The following RIMS2 variants were observed in gnomAD, a reference collection of about 807,000 sequenced individuals.
RIMS2 encodes regulating synaptic membrane exocytosis protein 2.
Under a neutral mutation model 174.4 loss-of-function variants are expected in RIMS2, and 59 were observed. The observed-to-expected ratio is 0.34, with a 90% confidence interval of 0.27 to 0.42. RIMS2 has a LOEUF of 0.42. Ranked by LOEUF, RIMS2 falls within the 10% of genes least tolerant of loss-of-function variation. The pLI is 1.00. For synonymous variants in RIMS2, 606 were observed against 572.5 expected, an observed-to-expected ratio of 1.06 and a Z score of -0.84; for missense variants, 1,620 against 1,666.3, an observed-to-expected ratio of 0.97 and a Z score of 0.48.
intron 19 of RIMS2, among the ~76,000 whole-genome samples, chr8:104,182,437 C>G (rs1451825370): frequency 6.6e-6 from 1 of 151,714 alleles, no homozygotes; most frequent in Non-Finnish European, 1.5e-5. Flanking sequence ...TTTTAGTGTA[C>G]TCAGAGATAT....
intron 4 of RIMS2, chr8:103,910,096 C>T (rs1210781827): frequency 1.5e-6 from 2 of 1,292,898 alleles, no homozygotes; most frequent in Admixed American, 3.8e-5. Context: ...CTTTTTTCAC[C>T]ATCTCCTTTA....
chr8:104,222,393 T>C (rs1389164195), intron 19 of RIMS2, among the ~76,000 whole-genome samples: 5 of 152,254 alleles, frequency 3.3e-5, no homozygotes, highest in Non-Finnish European at 7.3e-5. Flanking sequence ...ATCTAGGAAC[T>C]ATTTATTGAA....
intron 1 of RIMS2, among the ~76,000 whole-genome samples, chr8:103,521,370 A>G (rs930123030): frequency 6.6e-6 from 1 of 151,972 alleles, no homozygotes; most frequent in Non-Finnish European, 1.5e-5. Context: ...TCATTTTTAT[A>G]TCTTCCTCTC....
At chr8:103,687,153 T>C (rs1031726559) in intron 1 of RIMS2, among the ~76,000 whole-genome samples, 1 of 148,916 alleles carries the variant, frequency 6.7e-6, no homozygotes, top group South Asian at 2.1e-4. Flanking sequence ...CAAGCTATCT[T>C]TTTTTTTTGG....
At chr8:103,828,023 C>A (rs1481627234) in intron 3 of RIMS2, among the ~76,000 whole-genome samples, 1 of 152,074 alleles carries the variant, frequency 6.6e-6, no homozygotes, top group Non-Finnish European at 1.5e-5. Context: ...GAATATTAAA[C>A]CAACTTTGCA....
intron 14 of RIMS2, among the ~76,000 whole-genome samples, chr8:103,944,336 T>C (rs2083222669): frequency 6.6e-6 from 1 of 152,128 alleles, no homozygotes; most frequent in African/African-American, 2.4e-5. Context: ...TATTCAGTAC[T>C]TTCTCTCTGA....
At chr8:104,132,296 A>G (rs2098479856) in intron 19 of RIMS2, among the ~76,000 whole-genome samples, 1 of 152,166 alleles carries the variant, frequency 6.6e-6, no homozygotes, top group South Asian at 2.1e-4. Context: ...TGTCTTCTGT[A>G]ACAGAATTAG....
chr8:103,601,547 C>G (rs562856795), intron 1 of RIMS2, among the ~76,000 whole-genome samples: 27 of 151,870 alleles, frequency 1.8e-4, no homozygotes, highest in Non-Finnish European at 3.5e-4. Context: ...TATTTTCAGT[C>G]TATATGCATA....
chr8:103,926,679 A>G (rs2078852773), intron 10 of RIMS2, among the ~76,000 whole-genome samples: 1 of 151,564 alleles, frequency 6.6e-6, no homozygotes, highest in African/African-American at 2.4e-5. Context: ...ATTTTGAAGT[A>G]GGCAAGAGAG....
chr8:103,736,944 C>T (rs1368008004), intron 2 of RIMS2, among the ~76,000 whole-genome samples: 1 of 151,948 alleles, frequency 6.6e-6, no homozygotes, highest in Non-Finnish European at 1.5e-5. Context: ...TCTGTAGTAT[C>T]AAATGAAATT....
At chr8:103,852,252 A>G (rs542828780) in intron 3 of RIMS2, among the ~76,000 whole-genome samples, 2 of 152,184 alleles carry the variant, frequency 1.3e-5, no homozygotes, top group East Asian at 1.9e-4. Context: ...TAGTATAGAT[A>G]TAATAGTGAT....
intron 2 of RIMS2, among the ~76,000 whole-genome samples, chr8:103,715,704 A>G (rs1206188085): frequency 6.6e-6 from 1 of 152,158 alleles, no homozygotes; most frequent in African/African-American, 2.4e-5. Flanking sequence ...TCATATTGGG[A>G]AACAGTGACC....
intron 1 of RIMS2, among the ~76,000 whole-genome samples, chr8:103,636,791 C>T (rs370654679): frequency 5.0e-5 from 2 of 39,654 alleles, no homozygotes; most frequent in South Asian, 8.3e-4. Flanking sequence ...CCCCCGCACC[C>T]CCCCCCCCCC....
chr8:103,695,659 A>G (rs2137231509), intron 1 of RIMS2, among the ~76,000 whole-genome samples: 1 of 147,310 alleles, frequency 6.8e-6, no homozygotes, highest in South Asian at 2.1e-4. Context: ...TATTTTTATA[A>G]TTTTTATTTA....
intron 1 of RIMS2, among the ~76,000 whole-genome samples, chr8:103,514,729 T>A (rs1011173006): frequency 2.0e-5 from 3 of 152,082 alleles, no homozygotes; most frequent in African/African-American, 7.2e-5. Context: ...CTTAAAGTAG[T>A]TGGTAGAAAA....
At chr8:103,533,098 T>C (rs1302287566) in intron 1 of RIMS2, among the ~76,000 whole-genome samples, 1 of 152,192 alleles carries the variant, frequency 6.6e-6, no homozygotes, top group Non-Finnish European at 1.5e-5. Context: ...TTTACGAAAG[T>C]AATAAATGAA....
chr8:103,582,196 C>G (rs1012636132), intron 1 of RIMS2, among the ~76,000 whole-genome samples: 1 of 152,074 alleles, frequency 6.6e-6, no homozygotes, highest in African/African-American at 2.4e-5. Flanking sequence ...GGATGGAACC[C>G]ACTGCCTTGA....
chr8:103,967,170 G>GTTT lies in RIMS2; in HGVS notation c.2770+6065_2770+6067dup, dbSNP rs71575988. Among the ~76,000 whole-genome samples the GTTT allele has an allele frequency of 4.6e-3, 115 of 24,970 alleles. 23 individuals carry two copies. Among genetic ancestry groups the GTTT allele is most frequent in the African/African-American group, 8.6e-3 (41 of 4,740 alleles). The allele number at this position is 24,970 out of a possible 152,430, so 16.4% of individuals were successfully genotyped here. Reference sequence around the variant, plus strand: ...TTTTCTGCCTGCTTGATCTGTTCTTGTTTTTTTTTTTTTTTTTTTTTTTTT... The same window carrying GTTT: ...TTTTCTGCCTGCTTGATCTGTTCTTGTTTTTTTTTTTTTTTTTTTTTTTTTTTT... On this transcript the variant is annotated intron_variant, in intron 15 of 23. Transcript: ENST00000504942.
At chr8:103,652,871 G>A (rs900792509) in intron 1 of RIMS2, among the ~76,000 whole-genome samples, 161 bp downstream of exon 3, 1 of 152,172 alleles carries the variant, frequency 6.6e-6, no homozygotes, top group Admixed American at 6.5e-5. Context: ...CTATAAAGAA[G>A]GCAAGGATAA....
Sources: allele counts gnomAD v4.1 joint callset (sites outside exome capture counted in the v4.1 genomes callset), GRCh38; gene constraint gnomAD v4.1.1; transcripts MANE v1.5; gene names NCBI Gene and HGNC (gene_info 2026-07-23, HGNC 2026-07-21).